SH3PXD2B: variants seen among roughly 807,000 people sequenced by gnomAD.
SH3PXD2B encodes SH3 and PX domains 2B.
SH3PXD2B carries 37 observed loss-of-function variants against 73.1 expected under a neutral mutation model. That is an observed-to-expected ratio of 0.51 (90% CI 0.39 to 0.67). The LOEUF (loss-of-function observed/expected upper bound fraction) is 0.67. Ranked by LOEUF, SH3PXD2B falls within the 30% of genes least tolerant of loss-of-function variation. The pLI is 0.00. For synonymous variants in SH3PXD2B, 457 were observed against 480.5 expected (o/e 0.95, Z 0.64); for missense variants, 1,053 against 1,197.8 (o/e 0.88, Z 1.78).
intron 10 of SH3PXD2B, among the ~76,000 whole-genome samples, chr5:172,348,452 T>C (rs1757044197): frequency 6.6e-6 from 1 of 151,882 alleles, no homozygotes; most frequent in African/African-American, 2.4e-5. Context: ...ACAAGATAGA[T>C]GTGGAGTAAT....
chr5:172,377,116 G>A (rs1228887152), intron 5 of SH3PXD2B, among the ~76,000 whole-genome samples: 1 of 152,210 alleles, frequency 6.6e-6, no homozygotes, highest in African/African-American at 2.4e-5. Context: ...GTCCCAGCCA[G>A]AGCAGAGGAG....
At chr5:172,354,073 T>C in intron 8 of SH3PXD2B, 68 bp from the exon 9 acceptor site, 1 of 1,432,066 alleles carries the variant, frequency 7.0e-7, no homozygotes, top group Admixed American at 1.7e-5. Flanking sequence ...GTAATCCCCG[T>C]GATGCCCTTG....
chr5:172,454,431 G>T lies in SH3PXD2B; in HGVS notation c.-79C>A, dbSNP rs372849248. ...CAGGGAGCGCTGGGGGCGCGCCGCC[G>T]CGGGCAGGGAACCTGGAGCTGAGCG... On this transcript the variant is annotated 5_prime_UTR_variant, in exon 1 of 13. Coordinates refer to ENST00000311601, the MANE Select transcript of SH3PXD2B (RefSeq NM_001017995.3). The T allele has an allele frequency of 5.6e-3, 5,116 of 907,918 alleles. 62 individuals carry two copies. Among genetic ancestry groups the T allele is most frequent in the African/African-American group, 0.04 (2,254 of 56,154 alleles). The allele number at this position is 907,918 out of a possible 1,614,324, so 56.2% of individuals were successfully genotyped here.
Position 172,336,763 on chromosome 5 carries a change from G to A in SH3PXD2B, c.*1606C>T. On this transcript the variant is annotated 3_prime_UTR_variant, in exon 13 of 13. Coordinates refer to ENST00000311601, the MANE Select transcript of SH3PXD2B (RefSeq NM_001017995.3). Reference sequence around the variant, plus strand: ...GTAGAATGGGAAGGGGTTCTGCTCTGCTCTCTTACTCTGGGCTGGGAGCTA... The same window carrying A: ...GTAGAATGGGAAGGGGTTCTGCTCTACTCTCTTACTCTGGGCTGGGAGCTA... 1.0e-6 allele frequency: 1 copy of A among 985,672 alleles called. No homozygotes were observed. Among genetic ancestry groups the A allele is most frequent in the Non-Finnish European group, 1.2e-6 (1 of 830,190 alleles). The allele number at this position is 985,672 out of a possible 1,614,324, so 61.1% of individuals were successfully genotyped here.
Position 172,325,228 on chromosome 5 carries a change from G to A in SH3PXD2B, c.*48C>T, listed in dbSNP as rs1015361948. 1.8e-5 allele frequency: 24 copies of A among 1,348,562 alleles called. No individual in the cohort carries two copies. The African/African-American group carries it at 2.5e-4, about 14-fold the overall frequency. 83.5% of individuals were successfully genotyped at this position (1,348,562 alleles called of 1,614,324 possible). On this transcript the variant is annotated 3_prime_UTR_variant, in exon 13 of 13. Coordinates refer to the SH3PXD2B transcript ENST00000519643. ...CACGACAAAAAAAAATACAGTAAAA[G>A]CAGTTTAGCAAATTCATGTTCACAG... is the stretch of plus-strand genomic sequence containing the variant.
rs1353239737 is a variant in SH3PXD2B at position 172,421,532 on chromosome 5, C to A, written c.156+884G>T. On this transcript the variant is annotated intron_variant, in intron 2 of 12. Coordinates refer to ENST00000311601, the MANE Select transcript of SH3PXD2B (RefSeq NM_001017995.3). The surrounding 1 kb of genome is among the most constrained non-coding windows in gnomAD (Gnocchi z 4.0). ...GTCACAGTCTAGGCAGGGAGACAGA[C>A]AAGCAGACAGCTTCAATACAGAGAG... is the stretch of plus-strand genomic sequence containing the variant. Among the ~76,000 whole-genome samples the A allele has an allele frequency of 6.6e-6, 1 of 152,108 alleles. No homozygotes were observed. The highest frequency in any genetic ancestry group is 2.4e-5 in the African/African-American group (1 of 41,400).
intron 1 of SH3PXD2B, among the ~76,000 whole-genome samples, chr5:172,427,387 C>T (rs1274850344): frequency 6.6e-6 from 1 of 152,026 alleles, no homozygotes; most frequent in Non-Finnish European, 1.5e-5. Context: ...GCTCTGTCAC[C>T]CAGGGTGGAG....
chr5:172,393,657 T>TA (rs1054313182), intron 4 of SH3PXD2B, among the ~76,000 whole-genome samples: 9 of 152,176 alleles, frequency 5.9e-5, no homozygotes, highest in Non-Finnish European at 1.3e-4. Flanking sequence ...CTGCTCCATT[T>TA]AAAAAACATT....
Position 172,333,766 on chromosome 5 carries a change from G to C in SH3PXD2B, c.*4603C>G, listed in dbSNP as rs528211258. On this transcript the variant is annotated 3_prime_UTR_variant, in exon 13 of 13. Transcript: ENST00000311601. The stretch of plus-strand genomic sequence containing the variant: ...CACGAGGTGGTGGGCAGTGCCCACT[G>C]TTCCTGGAGGGAGGTAAGAAATGGC... The C allele has an allele frequency of 7.8e-6, 10 of 1,289,254 alleles. No homozygotes were observed. Among genetic ancestry groups the C allele is most frequent in the East Asian group, 5.6e-5 (1 of 18,018 alleles). The allele number at this position is 1,289,254 out of a possible 1,614,324, so 79.9% of individuals were successfully genotyped here. A position where few individuals can be genotyped will look rare whatever the true frequency, so the allele number is the denominator to read the frequency against.
At position 172,338,198 on chromosome 5, in the gene SH3PXD2B, C is replaced by T. The variant is rs187872276; in HGVS notation, c.*171G>A. The T allele has an allele frequency of 3.4e-4, 510 of 1,501,634 alleles. 3 individuals are homozygous for T. Among genetic ancestry groups the T allele is most frequent in the East Asian group, 2.7e-3 (108 of 40,668 alleles). 93.0% of individuals were successfully genotyped at this position (1,501,634 alleles called of 1,614,324 possible). On this transcript the variant is annotated 3_prime_UTR_variant, in exon 13 of 13. Transcript: ENST00000311601. The surrounding 1 kb of genome is among the most constrained non-coding windows in gnomAD (Gnocchi z 5.1). Reference sequence around the variant, plus strand: ...TGATAGGAGGGATCAGGCCCAGGGGCGCCCGAGGTGTCCGAAACTCACTCT... The same window carrying T: ...TGATAGGAGGGATCAGGCCCAGGGGTGCCCGAGGTGTCCGAAACTCACTCT...
chr5:172,416,630 CTTTTTT>C (rs144781943), intron 2 of SH3PXD2B, among the ~76,000 whole-genome samples: 4 of 111,062 alleles, frequency 3.6e-5, no homozygotes, highest in African/African-American at 6.9e-5. Context: ...CCGGCCTCTA[CTTTTTT>C]TTTTTTTTTT....
rs76083157 is a variant in SH3PXD2B, at chr5:172,351,790, G to C, written c.786-1201C>G. On this transcript the variant is annotated intron_variant, in intron 9 of 12. Coordinates refer to ENST00000311601, the MANE Select transcript of SH3PXD2B (RefSeq NM_001017995.3). ...TGGGTTTTAATGCAAAAAAAAAAAGGTCTCTCTTGACTGGAAGCAAATTTA... is the reference window on the plus strand; with the variant it reads ...TGGGTTTTAATGCAAAAAAAAAAAGCTCTCTCTTGACTGGAAGCAAATTTA... Among the ~76,000 whole-genome samples the C allele has an allele frequency of 6.9e-3, 1,043 of 151,682 alleles. 12 individuals are homozygous for C. The highest frequency in any genetic ancestry group is 0.024 in the African/African-American group (979 of 41,236).
chr5:172,334,187 A>G lies in SH3PXD2B; in HGVS notation c.*4182T>C, dbSNP rs1401970105. ...AGGAGGAGCTCGATAACTTGGCAGA[A>G]TAGCACCAGAAACCAGATGCCACCC... On this transcript the variant is annotated 3_prime_UTR_variant, in exon 13 of 13. Transcript: ENST00000311601. 9.1e-7 allele frequency: 1 copy of G among 1,104,248 alleles called. No individual in the cohort carries two copies. The highest frequency in any genetic ancestry group is 1.1e-6 in the Non-Finnish European group (1 of 904,512). The allele number at this position is 1,104,248 out of a possible 1,614,324, so 68.4% of individuals were successfully genotyped here.
At chr5:172,350,796 G>A (rs762780344) in intron 9 of SH3PXD2B, among the ~76,000 whole-genome samples, 16 of 152,134 alleles carry the variant, frequency 1.1e-4, no homozygotes, top group Non-Finnish European at 2.2e-4. Flanking sequence ...TTTCCAACCC[G>A]GCCTCTACTT....
chr5:172,394,660 G>C (rs754452216), intron 3 of SH3PXD2B, 21 bp from the exon 4 acceptor site: 1 of 1,613,214 alleles, frequency 6.2e-7, no homozygotes, highest in East Asian at 2.2e-5. Context: ...TGAGAGCAAA[G>C]ACAGTGTTGT....
intron 10 of SH3PXD2B, 38 bp downstream of exon 10, chr5:172,350,325 G>T: frequency 2.5e-6 from 4 of 1,601,174 alleles, no homozygotes; most frequent in Non-Finnish European, 2.6e-6. Context: ...GGCACACAGG[G>T]GCCCTGATTA....
At position 172,396,880 on chromosome 5, in the gene SH3PXD2B, G is replaced by A. The variant is rs1284483012; in HGVS notation, c.233-2241C>T. On this transcript the variant is annotated intron_variant, in intron 3 of 12. Transcript: ENST00000311601. ...CGCTTGAACCCAGGAGATGGAGGTT[G>A]CAGTGAGCTGAGATCATGCCATTGC... Among the ~76,000 whole-genome samples, 3 of 152,258 alleles carry A rather than the reference G, an allele frequency of 2.0e-5. No homozygotes were observed. The East Asian group carries it at 5.8e-4, about 29-fold the overall frequency.
chr5:172,356,761 A>G (rs1757286961), intron 8 of SH3PXD2B: 1 of 152,462 alleles, frequency 6.6e-6, no homozygotes, highest in Non-Finnish European at 1.5e-5. Context: ...GCAGAGACCA[A>G]TACCTCCATG....
At chr5:172,341,189 C>A (rs190695765) in intron 12 of SH3PXD2B, among the ~76,000 whole-genome samples, 1 of 152,280 alleles carries the variant, frequency 6.6e-6, no homozygotes, top group East Asian at 1.9e-4. Context: ...TATGTTGAAG[C>A]CCTAACCCCC....
Sources: gnomAD v4.1 joint callset for allele counts (sites outside exome capture counted in the v4.1 genomes callset) on GRCh38, gnomAD v4.1.1 for gene constraint, Gnocchi (gnomAD v3.1) non-coding constraint, MANE v1.5 for transcripts, NCBI Gene and HGNC (gene_info 2026-07-23, HGNC 2026-07-21) for gene names.